SH2D1B: variants seen among roughly 807,000 people sequenced by gnomAD.
SH2D1B encodes the protein SH2 domain containing 1B, also known as SH2 domain-containing protein 1B.
A neutral mutation model predicts 16.3 loss-of-function variants in SH2D1B; 11 were observed. The observed-to-expected ratio is 0.67, with a 90% CI of 0.42 to 1.11. SH2D1B has a LOEUF of 1.11. Among genes scored for constraint, SH2D1B ranks in the 50% most tolerant of loss-of-function variants. The probability of loss-of-function intolerance (pLI) is 0.00; values close to 1 mark genes in which losing one functional copy is unlikely to be tolerated. For synonymous variants in SH2D1B, 55 were observed against 56.1 expected (o/e 0.98, Z 0.09); for missense variants, 123 against 153.1 (o/e 0.80, Z 1.04).
intron 1 of SH2D1B, among the ~76,000 whole-genome samples, chr1:162,406,014 C>A (rs957793280): frequency 6.6e-6 from 1 of 152,212 alleles, no homozygotes; most frequent in Non-Finnish European, 1.5e-5. Context: ...GAATCGACTG[C>A]ACCCTATAAT....
rs1215037318 is a variant in SH2D1B, at chr1:162,403,509, AAAATATAT to A, written c.135-715_135-708del. 2.5e-3 allele frequency among the ~76,000 whole-genome samples: 42 copies of A among 17,126 alleles called. No individual in the cohort carries two copies. In the East Asian group the frequency reaches 0.032, roughly 13 times the overall value. The allele number at this position is 17,126 out of a possible 152,430, so 11.2% of individuals were successfully genotyped here. A position where few individuals can be genotyped will look rare whatever the true frequency, so the allele number is the denominator to read the frequency against. On this transcript the variant is annotated intron_variant, in intron 1 of 3. Coordinates refer to ENST00000367929, the MANE Select transcript of SH2D1B (RefSeq NM_053282.5). Reference sequence around the variant, plus strand: ...GTCTGAAAAAAAAAAAAAAAAAAAAAAAATATATATATATATATATATATATATATATA... The same window carrying A: ...GTCTGAAAAAAAAAAAAAAAAAAAAAATATATATATATATATATATATATA...
At chr1:162,409,318 T>C (rs901793840) in intron 1 of SH2D1B, among the ~76,000 whole-genome samples, 8 of 152,128 alleles carry the variant, frequency 5.3e-5, no homozygotes, top group African/African-American at 1.2e-4. Flanking sequence ...CCACGTCAAA[T>C]TGAAGTTCCT....
intron 1 of SH2D1B, among the ~76,000 whole-genome samples, chr1:162,403,506 AAAAAAATATAT>A (rs1267998904): frequency 1.0e-3 from 25 of 24,420 alleles, no homozygotes; most frequent in African/African-American, 3.2e-3. Context: ...AAAAAAAAAA[AAAAAAATATAT>A]ATATATATAT....
intron 1 of SH2D1B, 71 bp downstream of exon 1, chr1:162,411,812 C>T (rs1648800552): frequency 6.3e-7 from 1 of 1,599,448 alleles, no homozygotes; most frequent in Non-Finnish European, 8.5e-7. Flanking sequence ...GATATGAATT[C>T]CTGTACTGTG....
rs200019982 is a variant in SH2D1B at position 162,399,064 on chromosome 1, C to A, written c.222G>T (p.Gln74His). The A allele has an allele frequency of 6.2e-7, 1 of 1,613,220 alleles. No homozygotes were observed. Among genetic ancestry groups the A allele is most frequent in the East Asian group, 2.2e-5 (1 of 44,866 alleles). The stretch of plus-strand genomic sequence containing the variant: ...TCAGTTCCTTTAGGCTTGGAAAGAC[C>A]TGTTTTGGAGAACCTTCTGCAGTCT... ...RIQTAEGSPKQVFPSLKELIS... is the reference protein window; with the variant it reads ...RIQTAEGSPKHVFPSLKELIS... Residue 74 changes from glutamine to histidine, a missense_variant, in exon 3 of 4, where the codon CAG becomes CAT. Physicochemically the swap from Gln to His is conservative, Grantham distance 24. Coordinates refer to ENST00000367929, the MANE Select transcript of SH2D1B (RefSeq NM_053282.5).
intron 2 of SH2D1B, among the ~76,000 whole-genome samples, chr1:162,402,089 AC>A (rs1485620573): frequency 6.6e-6 from 1 of 152,172 alleles, no homozygotes; most frequent in Admixed American, 6.5e-5. Flanking sequence ...ACCTCTTTCC[AC>A]CGTCCCTTTC....
chr1:162,411,733 T>A, intron 1 of SH2D1B, 150 bp downstream of exon 1: 1 of 1,053,108 alleles, frequency 9.5e-7, no homozygotes, highest in Non-Finnish European at 1.4e-6. Flanking sequence ...GATACATTCC[T>A]CTCCTGGCAG....
intron 3 of SH2D1B, among the ~76,000 whole-genome samples, chr1:162,397,628 T>A (rs1648413926): frequency 1.3e-5 from 2 of 152,058 alleles, no homozygotes; most frequent in Admixed American, 1.3e-4. Flanking sequence ...GAGGAAGAGG[T>A]TGATGGGGAA....
intron 2 of SH2D1B, 83 bp from the exon 3 acceptor site, chr1:162,399,170 A>G: frequency 7.3e-7 from 1 of 1,366,484 alleles, no homozygotes; most frequent in Non-Finnish European, 1.0e-6. Flanking sequence ...GTGGGTTTTC[A>G]GGGCTGCCCT....
rs201414764 is a variant in SH2D1B, at chr1:162,397,325, G to GA, written c.364-11dup. 503 of 1,575,582 alleles carry GA rather than the reference G, an allele frequency of 3.2e-4. No individual in the cohort carries two copies. In the East Asian group the frequency reaches 4.3e-3, roughly 13 times the overall value. On this transcript the variant is annotated splice_polypyrimidine_tract_variant and intron_variant, in intron 3 of 3. Transcript: ENST00000367929. The stretch of plus-strand genomic sequence containing the variant: ...AATCGCTGTTACTGTTCTTTGGAGG[G>GA]AAAAAAAAAGCAGAAGACCAGCCAT...
chr1:162,405,397 T>G (rs899320027), intron 1 of SH2D1B, among the ~76,000 whole-genome samples: 2 of 152,228 alleles, frequency 1.3e-5, no homozygotes, highest in Admixed American at 1.3e-4. Context: ...TCCATCAAAT[T>G]GTACACTTTT....
At chr1:162,402,593 G>T in intron 2 of SH2D1B, 146 bp downstream of exon 2, 1 of 627,496 alleles carries the variant, frequency 1.6e-6, no homozygotes, top group Non-Finnish European at 2.8e-6. Flanking sequence ...GAAAAACCAG[G>T]TTAACTCGAT....
rs1648516098 is a variant in SH2D1B, at chr1:162,401,442, C to A, written c.198+1297G>T. On this transcript the variant is annotated intron_variant, in intron 2 of 3. Coordinates refer to ENST00000367929, the MANE Select transcript of SH2D1B (RefSeq NM_053282.5). ...ATTACCATATATTTCACCCACACCC[C>A]AATGTTAACATTTTATTATATTTGC... Among the ~76,000 whole-genome samples the A allele has an allele frequency of 2.0e-5, 3 of 152,230 alleles. 1 individual carries two copies. The highest frequency in any genetic ancestry group is 6.5e-5 in the Admixed American group (1 of 15,302).
intron 2 of SH2D1B, 43 bp from the exon 3 acceptor site, chr1:162,399,130 T>G: frequency 6.4e-7 from 1 of 1,567,138 alleles, no homozygotes; most frequent in Non-Finnish European, 8.7e-7. Context: ...ATCATGCAAT[T>G]GCGTGTGAAA....
rs1388529529 is a variant in SH2D1B at position 162,412,119 on chromosome 1, G to A, written c.-103C>T. The A allele has an allele frequency of 1.4e-6, 2 of 1,460,202 alleles. No homozygotes were observed. The highest frequency in any genetic ancestry group is 2.3e-5 in the East Asian group (1 of 43,638). 90.5% of individuals were successfully genotyped at this position (1,460,202 alleles called of 1,614,324 possible). On this transcript the variant is annotated 5_prime_UTR_variant, in exon 1 of 4. Transcript: ENST00000367929. ...ATGTGTAAGCAGCTGTACCTCCTGT[G>A]GAGCTACCTCTTCCTCTAGCGGTCT...
intron 2 of SH2D1B, chr1:162,402,450 G>A (rs552347603): frequency 4.7e-5 from 10 of 212,190 alleles, no homozygotes; most frequent in Admixed American, 1.1e-4. Flanking sequence ...CCCGGGAGGC[G>A]GAGGTTGCAG....
In SH2D1B at chr1:162,398,917, T is replaced by C. The variant is rs746881971; in HGVS notation, c.363+6A>G. 9.3e-6 allele frequency: 15 copies of C among 1,607,530 alleles called. No homozygotes were observed. Among genetic ancestry groups the C allele is most frequent in the African/African-American group, 1.3e-5 (1 of 74,692 alleles). On this transcript the variant is annotated splice_donor_region_variant and intron_variant, in intron 3 of 3. Transcript: ENST00000367929. ...TGCTTTCTGACCCCCACGTGAGAGA[T>C]TTTACCACAAATGTTTCCAACTCTA...
chr1:162,408,717 T>A (rs1351609791), intron 1 of SH2D1B, among the ~76,000 whole-genome samples: 5 of 152,026 alleles, frequency 3.3e-5, no homozygotes, highest in Admixed American at 6.6e-5. Context: ...CCTGGCCCAT[T>A]TTTTAGCATC....
At chr1:162,402,844 A>C in intron 1 of SH2D1B, 42 bp from the exon 2 acceptor site, 7 of 1,472,050 alleles carry the variant, frequency 4.8e-6, no homozygotes, top group Non-Finnish European at 6.7e-6. Flanking sequence ...GTTCTATGCA[A>C]ATCCAGGTAA....
Sources: gnomAD v4.1 joint callset for allele counts (sites outside exome capture counted in the v4.1 genomes callset) on GRCh38, gnomAD v4.1.1 for gene constraint, MANE v1.5 for transcripts, NCBI Gene and HGNC (gene_info 2026-07-23, HGNC 2026-07-21) for gene names.